The following ZFP36L1 variants were observed in gnomAD, a reference collection of about 807,000 sequenced individuals.
The protein encoded by ZFP36L1 is ZFP36 like 1 zinc finger CCCH-type, also known as mRNA decay activator protein ZFP36L1.
Under a neutral mutation model 16.7 loss-of-function variants are expected in ZFP36L1, and 4 were observed. That is an observed-to-expected ratio of 0.24 (90% confidence interval 0.12 to 0.55). The LOEUF is 0.55. Among genes scored for constraint, ZFP36L1 ranks in the 20% least tolerant of loss-of-function variants. ZFP36L1 has a pLI of 0.94. For synonymous variants in ZFP36L1, 220 were observed against 190.8 expected, an observed-to-expected ratio of 1.15 and a Z score of -1.26; for missense variants, 311 against 449.2, an observed-to-expected ratio of 0.69 and a Z score of 2.78.
upstream of ZFP36L1, chr14:68,793,873 G>T: frequency 1.0e-6 from 1 of 979,306 alleles, no homozygotes. Flanking sequence ...TTAGTGCGCC[G>T]CACGCGTCGA....
At position 68,792,949 on chromosome 14, in the gene ZFP36L1, C is replaced by G. The variant is rs1353289680; in HGVS notation, c.-11G>C. On this transcript the variant is annotated 5_prime_UTR_variant, in exon 1 of 2. Coordinates refer to ENST00000439696, the MANE Select transcript of ZFP36L1 (RefSeq NM_004926.4). The stretch of plus-strand genomic sequence containing the variant: ...GAGGGTGGTGGTCATCCTGTGCGTT[C>G]GCGCGAGCCAGGGGCGAGGATCTGG... 6.2e-7 allele frequency: 1 copy of G among 1,613,646 alleles called. No individual in the cohort carries two copies. The highest frequency in any genetic ancestry group is 1.1e-5 in the South Asian group (1 of 91,058).
In ZFP36L1 at chr14:68,789,527, C is replaced by A. The variant is rs774460104; in HGVS notation, c.*6G>T. ...GAGTAGGCAGGAGGTCCCTCCCTAC[C>A]CTGGCTTAGTCATCTGAGATGGAAA... is the stretch of plus-strand genomic sequence containing the variant. On this transcript the variant is annotated 3_prime_UTR_variant, in exon 2 of 2. Transcript: ENST00000439696. This position sits in a 1 kb window ranked among gnomAD's most constrained non-coding sequence, Gnocchi z 4.5. The A allele has an allele frequency of 5.6e-6, 9 of 1,612,942 alleles. No individual in the cohort carries two copies. Among genetic ancestry groups the A allele is most frequent in the African/African-American group, 1.3e-5 (1 of 74,806 alleles).
intron 1 of ZFP36L1, 131 bp downstream of exon 1, chr14:68,792,751 G>T: frequency 7.6e-7 from 1 of 1,312,402 alleles, no homozygotes. Context: ...TGGGAGAAAT[G>T]CCGGAGGAGA....
At chr14:68,790,921 T>C (rs1372007352) in intron 1 of ZFP36L1, 13 of 547,124 alleles carry the variant, frequency 2.4e-5, no homozygotes, top group Admixed American at 6.3e-5. Flanking sequence ...GAGTCTATCA[T>C]AGGCTACGTT....
Position 68,789,812 on chromosome 14 carries a change from G to A in ZFP36L1, c.738C>T (p.Gly246=). 6.2e-7 allele frequency: 1 copy of A among 1,612,964 alleles called. No homozygotes were observed. The highest frequency in any genetic ancestry group is 8.5e-7 in the Non-Finnish European group (1 of 1,180,016). ...DLLGSPTLPD[G]TNNPFAFSSQ... is the part of the protein sequence containing the mutation. Reference sequence around the variant, plus strand: ...TGGAGAAGGCAAAAGGGTTATTGGTGCCATCGGGCAGGGTAGGTGAGCCCA... The same window carrying A: ...TGGAGAAGGCAAAAGGGTTATTGGTACCATCGGGCAGGGTAGGTGAGCCCA... Residue 246 remains glycine (G), a synonymous_variant, in exon 2 of 2, where the codon GGC becomes GGT. Coordinates refer to ENST00000439696, the MANE Select transcript of ZFP36L1 (RefSeq NM_004926.4). The surrounding 1 kb of genome is among the most constrained non-coding windows in gnomAD (Gnocchi z 4.5).
At chr14:68,796,061 G>A (rs1380818796), upstream of ZFP36L1, 1 of 1,344,544 alleles carries the variant, frequency 7.4e-7, no homozygotes, top group South Asian at 1.1e-5. Flanking sequence ...TCCCCAGGCT[G>A]GCCGCCGCCT....
At chr14:68,792,050 C>G (rs1283786575) in intron 1 of ZFP36L1, among the ~76,000 whole-genome samples, 1 of 152,320 alleles carries the variant, frequency 6.6e-6, no homozygotes, top group Admixed American at 6.5e-5. Context: ...TACATTTAAA[C>G]CGCAGTCCTG....
upstream of ZFP36L1, chr14:68,793,696 G>A (rs1220547096): frequency 1.0e-6 from 1 of 985,528 alleles, no homozygotes; most frequent in South Asian, 4.7e-5. Context: ...GGCAAACCGG[G>A]CAGGCCGAGG....
chr14:68,791,971 C>T (rs747856831), intron 1 of ZFP36L1, among the ~76,000 whole-genome samples: 1 of 152,262 alleles, frequency 6.6e-6, no homozygotes, highest in East Asian at 1.9e-4. Flanking sequence ...AGCCCAGCAG[C>T]TTCACCCTTT....
chr14:68,793,080 G>C (rs771491717), upstream of ZFP36L1: 3 of 1,563,570 alleles, frequency 1.9e-6, no homozygotes, highest in South Asian at 1.1e-5. Flanking sequence ...GCTGGGGCGC[G>C]CAAAGCCCAA....
upstream of ZFP36L1, chr14:68,793,766 T>C (rs1240562750): frequency 2.0e-6 from 2 of 985,334 alleles, no homozygotes; most frequent in African/African-American, 1.7e-5. Flanking sequence ...TGCTGTTTTT[T>C]TTCCAGCGGG....
At chr14:68,792,274 G>A in intron 1 of ZFP36L1, among the ~76,000 whole-genome samples, 1 of 146,932 alleles carries the variant, frequency 6.8e-6, no homozygotes, top group Non-Finnish European at 1.5e-5. Flanking sequence ...TCACCCCAAA[G>A]TTTGCTGCAC....
chr14:68,791,140 C>T (rs1048925010), intron 1 of ZFP36L1: 29 of 691,814 alleles, frequency 4.2e-5, no homozygotes, highest in Admixed American at 1.7e-4. Context: ...AAACTCTTTG[C>T]CCTAAGTTCC....
chr14:68,792,792 A>G (rs1201968473), intron 1 of ZFP36L1, 90 bp downstream of exon 1: 2 of 1,555,232 alleles, frequency 1.3e-6, no homozygotes, highest in Non-Finnish European at 1.8e-6. Context: ...CACTTTCCCC[A>G]TTGCCTTCCA....
At chr14:68,792,018 A>G (rs1895087080) in intron 1 of ZFP36L1, among the ~76,000 whole-genome samples, 2 of 152,310 alleles carry the variant, frequency 1.3e-5, no homozygotes, top group East Asian at 1.9e-4. Flanking sequence ...AAATTTAACA[A>G]CATCCATAGA....
upstream of ZFP36L1, chr14:68,793,891 G>T: frequency 3.0e-6 from 3 of 983,890 alleles, no homozygotes; most frequent in Non-Finnish European, 3.6e-6. Context: ...CGACACTCGC[G>T]CTCGCTTTGC....
upstream of ZFP36L1, chr14:68,795,691 T>C (rs530336934): frequency 3.1e-5 from 15 of 476,776 alleles, no homozygotes; most frequent in South Asian, 4.8e-5. Context: ...CCTAGCCCGC[T>C]CGCTCCCGAG....
intron 1 of ZFP36L1, 125 bp downstream of exon 1, chr14:68,792,757 G>A (rs551912758): frequency 4.4e-6 from 6 of 1,352,662 alleles, no homozygotes; most frequent in Middle Eastern, 2.3e-4. Flanking sequence ...AAATGCCGGA[G>A]GAGAAAAGAA....
Position 68,789,428 on chromosome 14 carries a change from T to A in ZFP36L1, c.*105A>T. On this transcript the variant is annotated 3_prime_UTR_variant, in exon 2 of 2. Coordinates refer to ENST00000439696, the MANE Select transcript of ZFP36L1 (RefSeq NM_004926.4). The surrounding 1 kb of genome is among the most constrained non-coding windows in gnomAD (Gnocchi z 4.5). ...GGGAAAGGGGTTGAGCTTAACCTTGTTAATGTAGGGCCTGTGGGGAATGGG... is the reference window on the plus strand; with the variant it reads ...GGGAAAGGGGTTGAGCTTAACCTTGATAATGTAGGGCCTGTGGGGAATGGG... 6.5e-7 allele frequency: 1 copy of A among 1,533,446 alleles called. No homozygotes were observed. Among genetic ancestry groups the A allele is most frequent in the Non-Finnish European group, 8.9e-7 (1 of 1,128,588 alleles). 95.0% of individuals were successfully genotyped at this position (1,533,446 alleles called of 1,614,324 possible).
Sources: gnomAD v4.1 joint callset for allele counts (sites outside exome capture counted in the v4.1 genomes callset) on GRCh38, gnomAD v4.1.1 for gene constraint, Gnocchi (gnomAD v3.1) non-coding constraint, MANE v1.5 for transcripts, NCBI Gene and HGNC (gene_info 2026-07-23, HGNC 2026-07-21) for gene names.